The following ATG10 variants were observed in gnomAD, a reference collection of about 807,000 sequenced individuals.
The protein encoded by ATG10 is ubiquitin-like-conjugating enzyme ATG10.
ATG10 carries 30 observed loss-of-function variants against 32.1 expected under a neutral mutation model. The observed-to-expected ratio is 0.94, with a 90% CI of 0.70 to 1.27. The LOEUF is 1.27. ATG10 is among the 50% of genes most tolerant of loss of function. The pLI is 0.00. For missense variants in ATG10, 233 were observed against 262.3 expected (o/e 0.89, Z 0.77); for synonymous variants, 87 against 91.5 (o/e 0.95, Z 0.28).
At chr5:82,193,766 TA>T (rs1744749796) in intron 5 of ATG10, among the ~76,000 whole-genome samples, 1 of 152,278 alleles carries the variant, frequency 6.6e-6, no homozygotes, top group Admixed American at 6.5e-5. Context: ...AAAATCAAAT[TA>T]TTTTTTACAT....
chr5:82,161,930 G>A (rs1037637172), intron 3 of ATG10, among the ~76,000 whole-genome samples: 2 of 152,058 alleles, frequency 1.3e-5, no homozygotes, highest in Non-Finnish European at 2.9e-5. Context: ...ACAGCAGGAA[G>A]CCTTCTGATG....
At chr5:82,233,682 C>T (rs1162613233) in intron 5 of ATG10, among the ~76,000 whole-genome samples, 1 of 152,174 alleles carries the variant, frequency 6.6e-6, no homozygotes, top group East Asian at 1.9e-4. Context: ...TAACATAGAG[C>T]AGTTCCAGAG....
chr5:82,225,854 T>C (rs2149998872), intron 5 of ATG10, among the ~76,000 whole-genome samples: 1 of 152,340 alleles, frequency 6.6e-6, no homozygotes, highest in African/African-American at 2.4e-5. Context: ...AGAATTATGC[T>C]AACATTCTCT....
At chr5:82,223,969 A>G (rs1171325640) in intron 5 of ATG10, among the ~76,000 whole-genome samples, 1 of 152,210 alleles carries the variant, frequency 6.6e-6, no homozygotes, top group Non-Finnish European at 1.5e-5. Context: ...AACCAGAACA[A>G]GAATATAAAA....
chr5:82,149,585 T>G (rs2149878136), intron 3 of ATG10, among the ~76,000 whole-genome samples: 1 of 152,274 alleles, frequency 6.6e-6, no homozygotes, highest in Non-Finnish European at 1.5e-5. Context: ...TACTACTGTT[T>G]GTTTTTTTTC....
chr5:82,135,753 A>T lies in ATG10; in HGVS notation c.217-28646A>T, dbSNP rs980685704. ...ATTAGGTCCACTTGGTCCAGAGCCGAGTTCAAGTCCTGAATATCCTTGTTA... is the reference window on the plus strand; with the variant it reads ...ATTAGGTCCACTTGGTCCAGAGCCGTGTTCAAGTCCTGAATATCCTTGTTA... On this transcript the variant is annotated intron_variant, in intron 3 of 7. Transcript: ENST00000282185. Among the ~76,000 whole-genome samples, 58 of 152,176 alleles carry T rather than the reference A, an allele frequency of 3.8e-4. 1 individual carries two copies. Among genetic ancestry groups the T allele is most frequent in the Admixed American group, 3.7e-3 (57 of 15,286 alleles).
rs1760741209 is a variant in ATG10, at chr5:81,972,203, GCCTCGCAGGGCGCTGGGTC to G, written c.-111_-93del. The G allele has an allele frequency of 6.6e-6, 1 of 152,362 alleles. No individual in the cohort carries two copies. Among genetic ancestry groups the G allele is most frequent in the Non-Finnish European group, 1.5e-5 (1 of 68,132 alleles). 9.4% of individuals were successfully genotyped at this position (152,362 alleles called of 1,614,324 possible). ...CCGTAGGGTCACCGGCGCGGCAGTG[GCCTCGCAGGGCGCTGGGTC>G]CCTCTCCCCAGCTCTCCTCCCCCTG... On this transcript the variant is annotated 5_prime_UTR_variant, in exon 1 of 8. Coordinates refer to ENST00000282185, the MANE Select transcript of ATG10 (RefSeq NM_031482.5).
At chr5:82,092,709 T>C (rs762727896) in intron 3 of ATG10, among the ~76,000 whole-genome samples, 19 of 152,214 alleles carry the variant, frequency 1.2e-4, no homozygotes, top group Admixed American at 1.1e-3. Flanking sequence ...CCAGAGCTCA[T>C]GCTCACATCT....
intron 3 of ATG10, among the ~76,000 whole-genome samples, chr5:82,106,747 A>G (rs1450978038): frequency 2.0e-5 from 3 of 152,026 alleles, no homozygotes; most frequent in Admixed American, 1.3e-4. Flanking sequence ...CAATTAAACT[A>G]TAGTGTATGA....
intron 5 of ATG10, among the ~76,000 whole-genome samples, chr5:82,212,394 A>G (rs140674368): frequency 6.6e-6 from 1 of 152,286 alleles, no homozygotes; most frequent in Non-Finnish European, 1.5e-5. Flanking sequence ...TCTCCTTGCC[A>G]TAGGATTCTT....
intron 3 of ATG10, among the ~76,000 whole-genome samples, chr5:82,085,322 A>T (rs553459277): frequency 1.3e-5 from 2 of 152,206 alleles, no homozygotes; most frequent in South Asian, 4.2e-4. Context: ...GAGCACCCAG[A>T]TTCATAAAGC....
intron 3 of ATG10, among the ~76,000 whole-genome samples, chr5:82,095,963 G>A (rs1156617352): frequency 6.6e-6 from 1 of 152,110 alleles, no homozygotes; most frequent in Non-Finnish European, 1.5e-5. Context: ...CCCTGTGATG[G>A]TCCAGCTCTG....
chr5:82,217,141 T>C (rs1291350734), intron 5 of ATG10, among the ~76,000 whole-genome samples: 1 of 152,166 alleles, frequency 6.6e-6, no homozygotes, highest in East Asian at 1.9e-4. Context: ...TTAACCACTC[T>C]GTAAGAATGC....
At chr5:82,214,900 G>A (rs1027673320) in intron 5 of ATG10, among the ~76,000 whole-genome samples, 2 of 152,196 alleles carry the variant, frequency 1.3e-5, no homozygotes, top group Non-Finnish European at 2.9e-5. Flanking sequence ...CCAGTACCCA[G>A]CCAAGAGGAA....
intron 2 of ATG10, among the ~76,000 whole-genome samples, chr5:82,028,587 A>G (rs1017849561): frequency 1.4e-4 from 21 of 152,190 alleles, no homozygotes; most frequent in African/African-American, 4.6e-4. Context: ...ATGTGTCTAA[A>G]TGGAGAATCT....
At chr5:81,981,679 TGGG>T (rs1761051517) in intron 1 of ATG10, among the ~76,000 whole-genome samples, 8 of 152,246 alleles carry the variant, frequency 5.3e-5, no homozygotes, top group Admixed American at 2.0e-4. Context: ...TCTTAAGTTC[TGGG>T]AAATTCAGTT....
chr5:82,203,581 C>CTATATATA (rs918862569), intron 5 of ATG10, among the ~76,000 whole-genome samples: 9 of 152,032 alleles, frequency 5.9e-5, no homozygotes, highest in African/African-American at 1.9e-4. Context: ...TGTTTAAGTG[C>CTATATATA]TATATATATT....
At chr5:82,079,271 G>A (rs1272453638) in intron 3 of ATG10, among the ~76,000 whole-genome samples, 1 of 152,118 alleles carries the variant, frequency 6.6e-6, no homozygotes, top group Non-Finnish European at 1.5e-5. Context: ...CATGGCTAGG[G>A]AGGCCTCACA....
At chr5:82,100,772 GTTTTTTTTT>G (rs61096885) in intron 3 of ATG10, among the ~76,000 whole-genome samples, 247 of 113,972 alleles carry the variant, frequency 2.2e-3, no homozygotes, top group African/African-American at 8.0e-3. Flanking sequence ...ACAAGAACTA[GTTTTTTTTT>G]TTTTTTTTTT....
Sources: allele counts gnomAD v4.1 joint callset (sites outside exome capture counted in the v4.1 genomes callset), GRCh38; gene constraint gnomAD v4.1.1; transcripts MANE v1.5; gene names NCBI Gene and HGNC (gene_info 2026-07-23, HGNC 2026-07-21).